WARS1: variants seen among roughly 807,000 people sequenced by gnomAD.
WARS1 encodes tryptophanyl-tRNA synthetase 1.
Under a neutral mutation model 47.8 loss-of-function variants are expected in WARS1, and 17 were observed. The ratio of observed to expected loss-of-function variants is 0.36; its 90% CI spans 0.24 to 0.53. The LOEUF is 0.53. Ranked by LOEUF, WARS1 falls within the 20% of genes least tolerant of loss-of-function variation. The pLI is 0.91. For synonymous variants in WARS1, 208 were observed against 228.1 expected, an observed-to-expected ratio of 0.91 and a Z score of 0.79; for missense variants, 434 against 608.0, an observed-to-expected ratio of 0.71 and a Z score of 3.01.
chr14:100,367,908 A>AT (rs1051770612), intron 2 of WARS1, among the ~76,000 whole-genome samples: 3 of 151,968 alleles, frequency 2.0e-5, no homozygotes, highest in African/African-American at 4.8e-5. Context: ...CCTTTGCAAT[A>AT]TTTTTTTCAG....
At chr14:100,374,448 C>G (rs1483440135) in intron 1 of WARS1, among the ~76,000 whole-genome samples, 1 of 152,222 alleles carries the variant, frequency 6.6e-6, no homozygotes, top group East Asian at 1.9e-4. Flanking sequence ...GAACTTGAAT[C>G]TTGTGCTCAT....
At chr14:100,354,101 T>C (rs963451881) in intron 5 of WARS1, 2 of 538,892 alleles carry the variant, frequency 3.7e-6, no homozygotes, top group Non-Finnish European at 6.6e-6. Context: ...ACACTTTGTT[T>C]TGAAGCTTTA....
intron 10 of WARS1, 66 bp from the exon 11 acceptor site, chr14:100,335,102 C>T (rs1362564510): frequency 1.7e-5 from 26 of 1,538,414 alleles, no homozygotes; most frequent in Middle Eastern, 4.0e-4. Context: ...CTTCCTGCCT[C>T]GGGCACCAGC....
At chr14:100,339,818 G>C (rs1847055083) in intron 9 of WARS1, 1 of 152,102 alleles carries the variant, frequency 6.6e-6, no homozygotes, top group Admixed American at 6.5e-5. Context: ...GCTTCCAGGG[G>C]CAGTTTGAAG....
intron 2 of WARS1, chr14:100,368,483 A>G (rs1156462726): frequency 2.2e-6 from 1 of 455,930 alleles, no homozygotes; most frequent in Non-Finnish European, 4.4e-6. Flanking sequence ...ATCAACAAGG[A>G]ACAATATGAT....
chr14:100,351,015 T>G (rs997006160), intron 6 of WARS1, among the ~76,000 whole-genome samples: 6 of 152,132 alleles, frequency 3.9e-5, no homozygotes, highest in Non-Finnish European at 7.4e-5. Context: ...TGCAAGCTGT[T>G]CCACTGAGCT....
At chr14:100,335,378 T>C (rs566677314) in intron 10 of WARS1, among the ~76,000 whole-genome samples, 644 of 138,508 alleles carry the variant, frequency 4.6e-3, no homozygotes, top group Non-Finnish European at 7.3e-3. Flanking sequence ...TGTAAAATCT[T>C]GCTAATTTTT....
intron 1 of WARS1, chr14:100,375,017 CAGA>C (rs943144833): frequency 2.6e-5 from 4 of 152,136 alleles, no homozygotes; most frequent in Non-Finnish European, 2.9e-5. Flanking sequence ...ATGTTGAGCA[CAGA>C]AGGAGGGTGC....
Position 100,371,447 on chromosome 14 carries a change from C to CAAAAAAAAAA in WARS1, c.-73-2199_-73-2190dup, listed in dbSNP as rs60977618. ...CCTGGGTGACAGAAAGGTTCTGTCT[C>CAAAAAAAAAA]AAAAAAAAAAAAAAAAAAAAGTAGG... On this transcript the variant is annotated intron_variant, in intron 1 of 10. Coordinates refer to ENST00000392882, the MANE Select transcript of WARS1 (RefSeq NM_004184.4). Among the ~76,000 whole-genome samples, 41 of 89,118 alleles carry CAAAAAAAAAA rather than the reference C, an allele frequency of 4.6e-4. 1 individual carries two copies. The South Asian group carries it at 7.5e-3, about 16-fold the overall frequency. The allele number at this position is 89,118 out of a possible 152,430, so 58.5% of individuals were successfully genotyped here. A position where few individuals can be genotyped will look rare whatever the true frequency, so the allele number is the denominator to read the frequency against.
At chr14:100,349,255 T>G (rs1335968250) in intron 6 of WARS1, among the ~76,000 whole-genome samples, 1 of 152,208 alleles carries the variant, frequency 6.6e-6, no homozygotes, top group Non-Finnish European at 1.5e-5. Context: ...TCTCTACCCC[T>G]GCCCTTTGTC....
chr14:100,358,503 G>A (rs1384755363), intron 4 of WARS1, among the ~76,000 whole-genome samples: 4 of 152,118 alleles, frequency 2.6e-5, no homozygotes, highest in African/African-American at 9.7e-5. Context: ...AGTTGGAGCT[G>A]TACCTCACAA....
chr14:100,342,674 C>A, intron 8 of WARS1, 103 bp from the exon 9 acceptor site: 1 of 1,123,858 alleles, frequency 8.9e-7, no homozygotes, highest in Non-Finnish European at 1.2e-6. Flanking sequence ...TCTCATGCTT[C>A]CAACCAAAGA....
intron 3 of WARS1, 106 bp downstream of exon 3, chr14:100,361,602 A>C (rs1895665958): frequency 1.7e-6 from 2 of 1,198,134 alleles, no homozygotes; most frequent in Admixed American, 4.6e-5. Flanking sequence ...TTGAAGCTTC[A>C]CTGAATTTAT....
intron 5 of WARS1, 125 bp from the exon 6 acceptor site, chr14:100,353,994 A>C: frequency 1.2e-6 from 1 of 825,010 alleles, no homozygotes; most frequent in Non-Finnish European, 1.9e-6. Flanking sequence ...CAAAATCACA[A>C]TTTGAATTGT....
intron 7 of WARS1, among the ~76,000 whole-genome samples, chr14:100,344,353 G>A (rs1008960720): frequency 2.6e-4 from 39 of 152,310 alleles, no homozygotes; most frequent in Non-Finnish European, 5.3e-4. Flanking sequence ...CTGAGGTGCC[G>A]GGATTGCAGA....
chr14:100,368,618 C>T (rs1385532687), intron 2 of WARS1, among the ~76,000 whole-genome samples: 1 of 152,196 alleles, frequency 6.6e-6, no homozygotes, highest in Non-Finnish European at 1.5e-5. Context: ...GAACCCCTGA[C>T]TCTTTAGACC....
At chr14:100,352,115 T>C (rs1440393312) in intron 6 of WARS1, among the ~76,000 whole-genome samples, 2 of 136,822 alleles carry the variant, frequency 1.5e-5, no homozygotes, top group Non-Finnish European at 3.2e-5. Context: ...TTTCTTTTTT[T>C]TTTTTTTTTT....
At position 100,346,819 on chromosome 14, in the gene WARS1, C is replaced by T; in HGVS notation, c.753G>A (p.Val251=). The T allele has an allele frequency of 6.2e-7, 1 of 1,613,896 alleles. No homozygotes were observed. The highest frequency in any genetic ancestry group is 1.1e-5 in the South Asian group (1 of 91,062). ...MGMSSGFYKN[V]VKIQKHVTFN... is the part of the protein sequence containing the mutation. Reference sequence around the variant, plus strand: ...AGGTAACATGCTTTTGAATCTTCACCACATTTTTGTAGAAACCTGAGCTCA... The same window carrying T: ...AGGTAACATGCTTTTGAATCTTCACTACATTTTTGTAGAAACCTGAGCTCA... The change falls in exon 7 of 11, where the codon GTG becomes GTA. Residue 251 remains valine (V), a synonymous_variant. Coordinates refer to ENST00000392882, the MANE Select transcript of WARS1 (RefSeq NM_004184.4).
At chr14:100,369,838 A>G (rs1005477318) in intron 1 of WARS1, among the ~76,000 whole-genome samples, 5 of 151,640 alleles carry the variant, frequency 3.3e-5, no homozygotes, top group Non-Finnish European at 7.4e-5. Context: ...GAATTTTTGT[A>G]TTTTTAGTAG....
Sources: gnomAD v4.1 joint callset for allele counts (sites outside exome capture counted in the v4.1 genomes callset) on GRCh38, gnomAD v4.1.1 for gene constraint, MANE v1.5 for transcripts, NCBI Gene and HGNC (gene_info 2026-07-23, HGNC 2026-07-21) for gene names.